XKR4: variants seen among roughly 807,000 people sequenced by gnomAD.
XKR4 encodes the protein XK related 4, also known as XK-related protein 4.
Under a neutral mutation model 53.9 loss-of-function variants are expected in XKR4, and 12 were observed. The ratio of observed to expected loss-of-function variants is 0.22; its 90% CI spans 0.14 to 0.36. The LOEUF (loss-of-function observed/expected upper bound fraction) is 0.36. Ranked by LOEUF, XKR4 falls within the 10% of genes least tolerant of loss-of-function variation. XKR4 has a pLI of 1.00. For missense variants in XKR4, 799 were observed against 859.5 expected, an observed-to-expected ratio of 0.93 and a Z score of 0.88; for synonymous variants, 354 against 362.4, an observed-to-expected ratio of 0.98 and a Z score of 0.26.
At chr8:55,212,321 T>TC (rs1269980065) in intron 1 of XKR4, among the ~76,000 whole-genome samples, 7 of 152,150 alleles carry the variant, frequency 4.6e-5, no homozygotes, top group African/African-American at 1.4e-4. Context: ...ATGTAGATTT[T>TC]CCCCACAGGA....
chr8:55,209,203 A>ATGTGTGTGTGCGTGTG (rs142740740), intron 1 of XKR4, among the ~76,000 whole-genome samples: 2 of 149,216 alleles, frequency 1.3e-5, no homozygotes, highest in African/African-American at 5.0e-5. Flanking sequence ...CAGTGTGTTT[A>ATGTGTGTGTGCGTGTG]TGTGTGTGTG....
At chr8:55,273,522 A>T (rs1818722928) in intron 1 of XKR4, among the ~76,000 whole-genome samples, 1 of 152,206 alleles carries the variant, frequency 6.6e-6, no homozygotes, top group African/African-American at 2.4e-5. Flanking sequence ...AGTGTACAAG[A>T]TTCTGACCCT....
chr8:55,131,690 T>C (rs193197473), intron 1 of XKR4, among the ~76,000 whole-genome samples: 1 of 152,298 alleles, frequency 6.6e-6, no homozygotes, highest in African/African-American at 2.4e-5. Context: ...CTTCTTGATA[T>C]TGAGTTCAGT....
rs1458809639 is a variant in XKR4, at chr8:55,533,978, G to A, written c.*9751G>A. On this transcript the variant is annotated 3_prime_UTR_variant, in exon 3 of 3. Transcript: ENST00000327381. ...AAAAAAAAGAAAAATATTCCCGGGGGCTTGCATAGCTCAGAGAACGGAGTA... is the reference window on the plus strand; with the variant it reads ...AAAAAAAAGAAAAATATTCCCGGGGACTTGCATAGCTCAGAGAACGGAGTA... The A allele has an allele frequency of 1.3e-5, 2 of 152,134 alleles. No homozygotes were observed. Among genetic ancestry groups the A allele is most frequent in the African/African-American group, 2.4e-5 (1 of 41,430 alleles). 9.4% of individuals were successfully genotyped at this position (152,134 alleles called of 1,614,324 possible). A position where few individuals can be genotyped will look rare whatever the true frequency, so the allele number is the denominator to read the frequency against.
intron 2 of XKR4, among the ~76,000 whole-genome samples, chr8:55,443,853 A>G (rs1473452164): frequency 1.2e-4 from 16 of 135,292 alleles, no homozygotes; most frequent in African/African-American, 2.8e-4. Context: ...AAAAAAAAAA[A>G]AGAAAGAAAA....
At chr8:55,161,014 T>A (rs557803071) in intron 1 of XKR4, among the ~76,000 whole-genome samples, 2 of 152,338 alleles carry the variant, frequency 1.3e-5, no homozygotes, top group South Asian at 4.1e-4. Context: ...TTGGTGATTG[T>A]TGAGTAGGTG....
intron 1 of XKR4, among the ~76,000 whole-genome samples, chr8:55,277,732 T>C (rs2129373379): frequency 6.6e-6 from 1 of 152,236 alleles, no homozygotes; most frequent in East Asian, 1.9e-4. Context: ...CATACACATA[T>C]CTCCTCAAAC....
chr8:55,247,855 C>CTTTCTTTCTTTCTTTCTTTCTTTCTT (rs369983175), intron 1 of XKR4, among the ~76,000 whole-genome samples: 986 of 59,850 alleles, frequency 0.016, 41 homozygotes, highest in Non-Finnish European at 0.031. Flanking sequence ...TTCTTTCTTT[C>CTTTCTTTCTTTCTTTCTTTCTTTCTT]TTTTTTTTTT....
At chr8:55,135,731 G>A in intron 1 of XKR4, 1 of 439,322 alleles carries the variant, frequency 2.3e-6, no homozygotes, top group East Asian at 7.1e-5. Flanking sequence ...CCTCCTCTGG[G>A]CACCTTCCTG....
chr8:55,131,633 C>T (rs147727449), intron 1 of XKR4, among the ~76,000 whole-genome samples: 7 of 152,292 alleles, frequency 4.6e-5, no homozygotes, highest in Non-Finnish European at 5.9e-5. Context: ...ACTCAGTGCG[C>T]GATTGACATG....
intron 1 of XKR4, among the ~76,000 whole-genome samples, chr8:55,224,758 A>G (rs1374106567): frequency 2.0e-5 from 3 of 152,174 alleles, no homozygotes; most frequent in African/African-American, 4.8e-5. Flanking sequence ...CTTTTTTCCT[A>G]CAAAGAATCC....
chr8:55,362,384 C>T (rs2060807578), intron 2 of XKR4, among the ~76,000 whole-genome samples: 1 of 152,140 alleles, frequency 6.6e-6, no homozygotes, highest in South Asian at 2.1e-4. Flanking sequence ...TTTTGACAGA[C>T]AGAGCATGGA....
At chr8:55,454,000 C>A (rs1463457337) in intron 2 of XKR4, 1 of 860,112 alleles carries the variant, frequency 1.2e-6, no homozygotes, top group Non-Finnish European at 1.9e-6. Context: ...GGATGACAGG[C>A]TCCGGGTGAA....
chr8:55,439,838 A>G (rs903080995), intron 2 of XKR4, among the ~76,000 whole-genome samples: 1 of 152,208 alleles, frequency 6.6e-6, no homozygotes, highest in African/African-American at 2.4e-5. Context: ...AGAGTTGATT[A>G]AAGATGTCTA....
At chr8:55,153,398 T>C (rs1816864328) in intron 1 of XKR4, among the ~76,000 whole-genome samples, 1 of 152,220 alleles carries the variant, frequency 6.6e-6, no homozygotes, top group South Asian at 2.1e-4. Flanking sequence ...GAAGAAAATA[T>C]TCAAAGACTA....
chr8:55,304,728 A>G (rs771738868), intron 1 of XKR4, among the ~76,000 whole-genome samples: 52 of 152,142 alleles, frequency 3.4e-4, no homozygotes, highest in Non-Finnish European at 6.6e-4. Flanking sequence ...TTCTTGTTGA[A>G]TTGATCCTTT....
At chr8:55,387,953 T>C (rs1296232907) in intron 2 of XKR4, among the ~76,000 whole-genome samples, 1 of 152,224 alleles carries the variant, frequency 6.6e-6, no homozygotes, top group East Asian at 1.9e-4. Context: ...GTCTTATTGT[T>C]CTCACAGAGA....
chr8:55,247,603 A>G (rs137894280), intron 1 of XKR4, among the ~76,000 whole-genome samples: 46 of 152,258 alleles, frequency 3.0e-4, no homozygotes, highest in African/African-American at 1.1e-3. Flanking sequence ...TTCTCTTGAT[A>G]CAAAAAATGT....
chr8:55,317,169 T>C (rs528045278), intron 1 of XKR4, among the ~76,000 whole-genome samples: 116 of 152,360 alleles, frequency 7.6e-4, no homozygotes, highest in Non-Finnish European at 1.3e-3. Context: ...AGCTTGCTTA[T>C]TTCTGAAAGA....
Sources: allele counts gnomAD v4.1 joint callset (sites outside exome capture counted in the v4.1 genomes callset), GRCh38; gene constraint gnomAD v4.1.1; transcripts MANE v1.5; gene names NCBI Gene and HGNC (gene_info 2026-07-23, HGNC 2026-07-21).